The following FAM193A variants were observed in gnomAD, a reference collection of about 807,000 sequenced individuals.
FAM193A encodes the protein protein FAM193A.
In FAM193A, 22 loss-of-function variants were observed where a neutral mutation model predicts 126.5. That is an observed-to-expected ratio of 0.17 (90% CI 0.12 to 0.25). The LOEUF is 0.25. Ranked by LOEUF, FAM193A falls within the 10% of genes least tolerant of loss-of-function variation. The probability of loss-of-function intolerance (pLI) is 1.00; values close to 1 mark genes in which losing one functional copy is unlikely to be tolerated. For synonymous variants in FAM193A, 761 were observed against 646.8 expected (o/e 1.18, Z -2.68); for missense variants, 1,675 against 1,672.8 (o/e 1.00, Z -0.02).
intron 1 of FAM193A, among the ~76,000 whole-genome samples, chr4:2,578,058 T>C (rs1466431904): frequency 1.3e-5 from 2 of 152,138 alleles, no homozygotes; most frequent in Admixed American, 6.6e-5. Flanking sequence ...AGGACTGTAA[T>C]TGTAGATTTA....
chr4:2,685,341 T>C (rs535670098), intron 13 of FAM193A, among the ~76,000 whole-genome samples: 1 of 152,364 alleles, frequency 6.6e-6, no homozygotes, highest in South Asian at 2.1e-4. Context: ...GAAACGCATT[T>C]AATACAGTTA....
At chr4:2,711,438 C>G (rs559428473) in intron 19 of FAM193A, among the ~76,000 whole-genome samples, 1 of 151,826 alleles carries the variant, frequency 6.6e-6, no homozygotes, top group Admixed American at 6.5e-5. Context: ...CTCCTGGGTT[C>G]AAGCAATTCT....
chr4:2,681,898 A>G (rs1181407943), intron 13 of FAM193A, among the ~76,000 whole-genome samples: 2 of 123,204 alleles, frequency 1.6e-5, no homozygotes, highest in African/African-American at 6.2e-5. Flanking sequence ...GTCTCTAAGT[A>G]TTTTCTGCTT....
At chr4:2,631,283 G>A (rs1431177236) in intron 5 of FAM193A, 114 bp downstream of exon 5, 3 of 877,858 alleles carry the variant, frequency 3.4e-6, no homozygotes, top group East Asian at 2.6e-5. Context: ...CCCACACACT[G>A]TGATAGGCCC....
intron 1 of FAM193A, among the ~76,000 whole-genome samples, chr4:2,568,030 C>T (rs1042127652): frequency 3.9e-5 from 6 of 152,166 alleles, no homozygotes; most frequent in Admixed American, 1.3e-4. Context: ...CATTTCCCAC[C>T]CCTTCCTCCT....
At chr4:2,566,703 A>G (rs918197042) in intron 1 of FAM193A, among the ~76,000 whole-genome samples, 1 of 151,950 alleles carries the variant, frequency 6.6e-6, no homozygotes, top group African/African-American at 2.4e-5. Flanking sequence ...AAGAAAATGG[A>G]TGTTTAGAAT....
intron 13 of FAM193A, among the ~76,000 whole-genome samples, chr4:2,685,667 G>A (rs1465095174): frequency 6.6e-6 from 1 of 152,152 alleles, no homozygotes; most frequent in African/African-American, 2.4e-5. Context: ...TTTTTGCTCG[G>A]ATGCTTAGTG....
intron 1 of FAM193A, among the ~76,000 whole-genome samples, chr4:2,565,458 G>T (rs1380299016): frequency 6.6e-6 from 1 of 151,824 alleles, no homozygotes; most frequent in Non-Finnish European, 1.5e-5. Context: ...AGTTTTCACC[G>T]TGTTGGCCAG....
intron 7 of FAM193A, among the ~76,000 whole-genome samples, chr4:2,653,591 C>G (rs1489936425): frequency 6.6e-6 from 1 of 152,044 alleles, no homozygotes; most frequent in Admixed American, 6.5e-5. Context: ...CTACAGGCGC[C>G]CGCCACCACG....
intron 1 of FAM193A, among the ~76,000 whole-genome samples, chr4:2,570,727 A>G (rs891494936): frequency 6.6e-6 from 1 of 152,152 alleles, no homozygotes; most frequent in South Asian, 2.1e-4. Flanking sequence ...CCCCATGGGT[A>G]CAGGCCTTGG....
At chr4:2,554,149 A>G (rs2108826738) in intron 1 of FAM193A, among the ~76,000 whole-genome samples, 1 of 152,226 alleles carries the variant, frequency 6.6e-6, no homozygotes, top group East Asian at 1.9e-4. Context: ...CAGTGGCACG[A>G]TCTCGGCTCA....
At chr4:2,696,725 T>C in intron 18 of FAM193A, 132 bp downstream of exon 18, 1 of 654,256 alleles carries the variant, frequency 1.5e-6, no homozygotes, top group South Asian at 2.0e-5. Flanking sequence ...TGCCCACAAC[T>C]TTGTTCTGAG....
intron 13 of FAM193A, among the ~76,000 whole-genome samples, chr4:2,684,798 C>T (rs576584162): frequency 2.4e-4 from 36 of 152,262 alleles, no homozygotes; most frequent in Admixed American, 1.2e-3. Context: ...TTGCCTTTGT[C>T]GATAGCAGTT....
chr4:2,551,776 GA>G (rs754040093), intron 1 of FAM193A, among the ~76,000 whole-genome samples: 123 of 150,604 alleles, frequency 8.2e-4, no homozygotes, highest in Admixed American at 1.8e-3. Context: ...CAGTGTGTTT[GA>G]TTTTTTTTTT....
At position 2,617,240 on chromosome 4, in the gene FAM193A, T is replaced by TTTTATATATATATATATATATATATATA. The variant is rs377206444; in HGVS notation, c.502-8021_502-8020insTTATATATATATATATATATATATATAT. On this transcript the variant is annotated intron_variant, in intron 2 of 20. Coordinates refer to ENST00000637812, the MANE Select transcript of FAM193A (RefSeq NM_001366318.2). ...TGTATTGGTCAGAAGTATGTTTTTA[T>TTTTATATATATATATATATATATATATA]TATATATATATATATATATATATTT... 2.8e-4 allele frequency among the ~76,000 whole-genome samples: 10 copies of TTTTATATATATATATATATATATATATA among 35,236 alleles called. 1 individual carries two copies. The highest frequency in any genetic ancestry group is 8.1e-4 in the African/African-American group (3 of 3,700). The allele number at this position is 35,236 out of a possible 152,430, so 23.1% of individuals were successfully genotyped here. A position where few individuals can be genotyped will look rare whatever the true frequency, so the allele number is the denominator to read the frequency against.
chr4:2,699,885 A>C lies in FAM193A; in HGVS notation c.3713A>C (p.Lys1238Thr), dbSNP rs1479373629. ...KKERPSKDCP[K>T]LDMLTRNFQA... ...GAGAGGCCAAGTAAAGACTGCCCCA[A>C]GTTGGACATGCTCACTAGAAATTTC... The change falls in exon 19 of 21, where the codon AAG becomes ACG. Residue 1238 changes from lysine to threonine, a missense_variant. By Grantham distance (78) the Lys-to-Thr change is moderately conservative. Coordinates refer to ENST00000637812, the MANE Select transcript of FAM193A (RefSeq NM_001366318.2). 6.2e-7 allele frequency: 1 copy of C among 1,614,088 alleles called. No homozygotes were observed.
At chr4:2,692,674 TAA>T (rs1230462846) in intron 15 of FAM193A, among the ~76,000 whole-genome samples, 6 of 152,306 alleles carry the variant, frequency 3.9e-5, no homozygotes, top group Admixed American at 3.9e-4. Context: ...TTAAAAATGT[TAA>T]GTCTTGTGAA....
chr4:2,644,000 A>G (rs564005398), intron 6 of FAM193A, among the ~76,000 whole-genome samples: 1 of 152,364 alleles, frequency 6.6e-6, no homozygotes, highest in African/African-American at 2.4e-5. Context: ...TGTTTCACAT[A>G]CACATTGGTA....
intron 7 of FAM193A, among the ~76,000 whole-genome samples, chr4:2,651,874 C>G (rs949657048): frequency 6.6e-6 from 1 of 152,172 alleles, no homozygotes; most frequent in African/African-American, 2.4e-5. Context: ...TCGTCCCAGA[C>G]AGCCCCCAGG....
Sources: gnomAD v4.1 joint callset for allele counts (sites outside exome capture counted in the v4.1 genomes callset) on GRCh38, gnomAD v4.1.1 for gene constraint, MANE v1.5 for transcripts, NCBI Gene and HGNC (gene_info 2026-07-23, HGNC 2026-07-21) for gene names.